The following PSMD14 variants were observed in gnomAD, a reference collection of about 807,000 sequenced individuals.
PSMD14 encodes ubiquitin C-terminal hydrolase PSMD14.
In PSMD14, 7 loss-of-function variants were observed where a neutral mutation model predicts 41.2. The ratio of observed to expected loss-of-function variants is 0.17; its 90% confidence interval spans 0.10 to 0.32. The LOEUF (loss-of-function observed/expected upper bound fraction) is 0.32, where lower values mean the gene tolerates loss of function less well. Ranked by LOEUF, PSMD14 falls within the 10% of genes least tolerant of loss-of-function variation. PSMD14 has a pLI of 1.00. For synonymous variants in PSMD14, 114 were observed against 122.3 expected, an observed-to-expected ratio of 0.93 and a Z score of 0.45; for missense variants, 139 against 375.6, an observed-to-expected ratio of 0.37 and a Z score of 5.21.
intron 11 of PSMD14, 24 bp downstream of exon 11, chr2:161,408,923 A>G: frequency 6.4e-7 from 1 of 1,557,438 alleles, no homozygotes; most frequent in Non-Finnish European, 8.8e-7. Context: ...TTAATAAGTT[A>G]TGCAGTTGCA....
At chr2:161,318,066 A>G (rs1372597186) in intron 2 of PSMD14, among the ~76,000 whole-genome samples, 1 of 152,202 alleles carries the variant, frequency 6.6e-6, no homozygotes, top group Non-Finnish European at 1.5e-5. Context: ...TCTAAACGTT[A>G]AAACTAAATC....
intron 3 of PSMD14, among the ~76,000 whole-genome samples, chr2:161,355,200 A>G (rs918921737): frequency 2.0e-5 from 3 of 152,226 alleles, no homozygotes; most frequent in Non-Finnish European, 4.4e-5. Context: ...AACTTACTCA[A>G]GAACCTAGGT....
chr2:161,361,236 A>G (rs530969002), intron 3 of PSMD14, among the ~76,000 whole-genome samples: 3 of 152,318 alleles, frequency 2.0e-5, no homozygotes, highest in Non-Finnish European at 4.4e-5. Flanking sequence ...ACTAAGAAAA[A>G]ATGAAAAATT....
chr2:161,395,773 T>C (rs1574141203), intron 10 of PSMD14, among the ~76,000 whole-genome samples: 1 of 152,324 alleles, frequency 6.6e-6, no homozygotes, highest in South Asian at 2.1e-4. Flanking sequence ...CAAATATTTA[T>C]TGAACATCTC....
Position 161,411,536 on chromosome 2 carries a change from C to G in PSMD14, c.*136C>G. On this transcript the variant is annotated 3_prime_UTR_variant, in exon 12 of 12. Transcript: ENST00000409682. ...GGCATCATTTGCAGCACTGTAACACCTTCAGTCTCAGTTGTGCAATTACTT... is the reference window on the plus strand; with the variant it reads ...GGCATCATTTGCAGCACTGTAACACGTTCAGTCTCAGTTGTGCAATTACTT... The G allele has an allele frequency of 2.1e-6, 1 of 470,740 alleles. No individual in the cohort carries two copies. The highest frequency in any genetic ancestry group is 3.7e-6 in the Non-Finnish European group (1 of 271,864). The allele number at this position is 470,740 out of a possible 1,614,324, so 29.2% of individuals were successfully genotyped here. A position where few individuals can be genotyped will look rare whatever the true frequency, so the allele number is the denominator to read the frequency against.
intron 8 of PSMD14, among the ~76,000 whole-genome samples, chr2:161,390,318 T>A (rs1166413861): frequency 6.6e-6 from 1 of 152,172 alleles, no homozygotes; most frequent in Non-Finnish European, 1.5e-5. Context: ...AAAGGTTTAT[T>A]TCTGACTTTC....
intron 1 of PSMD14, among the ~76,000 whole-genome samples, chr2:161,310,590 A>G (rs1225833820): frequency 6.6e-6 from 1 of 152,226 alleles, no homozygotes; most frequent in Non-Finnish European, 1.5e-5. Context: ...CTAAAATGAT[A>G]ATAATAACAA....
intron 1 of PSMD14, 125 bp from the exon 2 acceptor site, chr2:161,316,312 A>G (rs1689148008): frequency 6.6e-6 from 1 of 152,248 alleles, no homozygotes; most frequent in Non-Finnish European, 1.5e-5. Flanking sequence ...GAAAAAGATT[A>G]TTAAAAAACA....
At chr2:161,394,065 G>A (rs1683756880) in intron 9 of PSMD14, among the ~76,000 whole-genome samples, 1 of 149,094 alleles carries the variant, frequency 6.7e-6, no homozygotes, top group East Asian at 2.0e-4. Flanking sequence ...CCGTCTCCCG[G>A]GGTCCAAGTG....
chr2:161,371,463 G>GT (rs1405899417), intron 7 of PSMD14, 141 bp downstream of exon 7: 5 of 759,896 alleles, frequency 6.6e-6, no homozygotes, highest in Non-Finnish European at 7.9e-6. Context: ...CAAAAAAACT[G>GT]TACAAGTTGA....
chr2:161,383,030 G>A (rs1683587739), intron 7 of PSMD14: 1 of 150,516 alleles, frequency 6.6e-6, no homozygotes, highest in South Asian at 2.1e-4. Context: ...ACACACCATC[G>A]AGTGCTCACT....
chr2:161,376,933 A>C (rs1683510285), intron 7 of PSMD14, among the ~76,000 whole-genome samples: 1 of 151,906 alleles, frequency 6.6e-6, no homozygotes, highest in South Asian at 2.1e-4. Flanking sequence ...TATCCAAAAA[A>C]CTGCAGTTAA....
chr2:161,385,721 T>A, intron 8 of PSMD14, 150 bp downstream of exon 8: 1 of 567,144 alleles, frequency 1.8e-6, no homozygotes, highest in Non-Finnish European at 3.0e-6. Flanking sequence ...AATACTGTTG[T>A]AAAAATTAGA....
intron 3 of PSMD14, among the ~76,000 whole-genome samples, chr2:161,319,957 G>T (rs1443737316): frequency 6.6e-6 from 1 of 152,032 alleles, no homozygotes; most frequent in Admixed American, 6.5e-5. Flanking sequence ...ATGTTTCTTT[G>T]TTGTCAGCCT....
intron 3 of PSMD14, among the ~76,000 whole-genome samples, chr2:161,321,522 C>T (rs1682598163): frequency 6.6e-6 from 1 of 152,152 alleles, no homozygotes. Context: ...CTGGCGGTTA[C>T]TGTCAGACTC....
intron 8 of PSMD14, among the ~76,000 whole-genome samples, chr2:161,388,460 A>T (rs1473448894): frequency 6.6e-6 from 1 of 152,072 alleles, no homozygotes; most frequent in Non-Finnish European, 1.5e-5. Context: ...TTAATTAATT[A>T]ATTTTGGCAT....
rs1327626460 is a variant in PSMD14 at position 161,373,147 on chromosome 2, A to T, written c.462+1825A>T. Among the ~76,000 whole-genome samples, 3 of 151,972 alleles carry T rather than the reference A, an allele frequency of 2.0e-5. No individual in the cohort carries two copies. The East Asian group carries it at 5.8e-4, about 29-fold the overall frequency. On this transcript the variant is annotated intron_variant, in intron 7 of 11. Coordinates refer to ENST00000409682, the MANE Select transcript of PSMD14 (RefSeq NM_005805.6). Reference sequence around the variant, plus strand: ...ATTGGAATTTTCATTATTTCTAATTAATTGTAATTTATATTAAAATGATGA... The same window carrying T: ...ATTGGAATTTTCATTATTTCTAATTTATTGTAATTTATATTAAAATGATGA...
chr2:161,338,076 T>C (rs1475119042), intron 3 of PSMD14, among the ~76,000 whole-genome samples: 1 of 152,228 alleles, frequency 6.6e-6, no homozygotes, highest in Non-Finnish European at 1.5e-5. Flanking sequence ...TAAAACCATC[T>C]AGTACTCAAT....
chr2:161,394,407 T>C (rs1683762882), intron 9 of PSMD14, among the ~76,000 whole-genome samples: 1 of 152,202 alleles, frequency 6.6e-6, no homozygotes, highest in Non-Finnish European at 1.5e-5. Flanking sequence ...TACAAGCCCC[T>C]TAATTCATAG....
Sources: gnomAD v4.1 joint callset for allele counts (sites outside exome capture counted in the v4.1 genomes callset) on GRCh38, gnomAD v4.1.1 for gene constraint, MANE v1.5 for transcripts, NCBI Gene and HGNC (gene_info 2026-07-23, HGNC 2026-07-21) for gene names.